Variants in SERGEF observed in about 807,000 individuals in gnomAD.
SERGEF encodes secretion regulating guanine nucleotide exchange factor.
In SERGEF, 51 loss-of-function variants were observed where a neutral mutation model predicts 50.0. The ratio of observed to expected loss-of-function variants is 1.02; its 90% confidence interval spans 0.81 to 1.29. The LOEUF (loss-of-function observed/expected upper bound fraction) is 1.29. Ranked by LOEUF, SERGEF falls within the 50% of genes most tolerant of loss-of-function variation. The pLI, the probability that SERGEF is intolerant of heterozygous loss-of-function variation, is 0.00. For synonymous variants in SERGEF, 205 were observed against 212.4 expected (o/e 0.97, Z 0.30); for missense variants, 521 against 557.0 (o/e 0.94, Z 0.65).
chr11:17,830,597 AGGT>A (rs1850278271), intron 10 of SERGEF, among the ~76,000 whole-genome samples: 2 of 104,846 alleles, frequency 1.9e-5, no homozygotes, highest in African/African-American at 3.7e-5. Flanking sequence ...AGAGGGAGAG[AGGT>A]GGAGAGAGAG....
chr11:17,855,150 T>C (rs1012768146), intron 10 of SERGEF: 1 of 152,210 alleles, frequency 6.6e-6, no homozygotes, highest in African/African-American at 2.4e-5. Context: ...TTATTATCTT[T>C]CTTTTCCAAC....
At chr11:17,882,406 AAG>A (rs1272969913) in intron 9 of SERGEF, among the ~76,000 whole-genome samples, 141 of 148,824 alleles carry the variant, frequency 9.5e-4, no homozygotes, top group African/African-American at 3.4e-3. Flanking sequence ...GCAACAGAGC[AAG>A]AGTCAGTCTC....
chr11:17,843,959 T>A (rs547290571), intron 10 of SERGEF, among the ~76,000 whole-genome samples: 35 of 152,318 alleles, frequency 2.3e-4, no homozygotes, highest in Middle Eastern at 3.4e-3. Context: ...TGGAGGACTA[T>A]CAGAACTAAA....
At chr11:17,822,018 CT>C (rs2133845207) in intron 10 of SERGEF, among the ~76,000 whole-genome samples, 1 of 152,286 alleles carries the variant, frequency 6.6e-6, no homozygotes, top group East Asian at 1.9e-4. Context: ...CCATGAGCCC[CT>C]TCTAGACCTA....
chr11:17,998,470 T>C (rs1005171620), intron 5 of SERGEF, among the ~76,000 whole-genome samples: 19 of 127,252 alleles, frequency 1.5e-4, no homozygotes, highest in Middle Eastern at 7.5e-3. Context: ...TATATATATA[T>C]ATATATATAT....
intron 9 of SERGEF, among the ~76,000 whole-genome samples, chr11:17,903,463 GA>G (rs1282708377): frequency 6.6e-6 from 1 of 152,210 alleles, no homozygotes; most frequent in Non-Finnish European, 1.5e-5. Flanking sequence ...AAAGAAGATA[GA>G]TATTTCCTTT....
chr11:17,891,725 G>T (rs1170928937), intron 9 of SERGEF, among the ~76,000 whole-genome samples: 1 of 152,194 alleles, frequency 6.6e-6, no homozygotes, highest in Non-Finnish European at 1.5e-5. Context: ...ATATGCAGAA[G>T]AACCTTTTTA....
In SERGEF at chr11:18,009,087, C is replaced by T. The variant is rs1854143339; in HGVS notation, c.61-1011G>A. On this transcript the variant is annotated intron_variant, in intron 1 of 10. Coordinates refer to ENST00000265965, the MANE Select transcript of SERGEF (RefSeq NM_012139.4). ...TTTCTTCCCTCCTCAAATCCCTTCC[C>T]CAAAATCTGAAAAGAAAAATAATAA... Among the ~76,000 whole-genome samples, 3 of 152,024 alleles carry T rather than the reference C, an allele frequency of 2.0e-5. No individual in the cohort carries two copies. In the South Asian group the frequency reaches 6.2e-4, roughly 32 times the overall value.
At chr11:17,840,484 C>G (rs1422808651) in intron 10 of SERGEF, among the ~76,000 whole-genome samples, 1 of 152,188 alleles carries the variant, frequency 6.6e-6, no homozygotes, top group Non-Finnish European at 1.5e-5. Flanking sequence ...ACGAAACCTC[C>G]TCTGACACTT....
At position 17,887,398 on chromosome 11, in the gene SERGEF, A is replaced by C. The variant is rs1223727952; in HGVS notation, c.1012-9154T>G. Among the ~76,000 whole-genome samples, 5 of 152,244 alleles carry C rather than the reference A, an allele frequency of 3.3e-5. 1 individual carries two copies. The highest frequency in any genetic ancestry group is 5.9e-5 in the Non-Finnish European group (4 of 68,040). ...TGCCACCAAGTTACTTAAGTTACTC[A>C]GTACTTGTACTGAGAACAAAATGGA... is the stretch of plus-strand genomic sequence containing the variant. On this transcript the variant is annotated intron_variant, in intron 9 of 10. Coordinates refer to ENST00000265965, the MANE Select transcript of SERGEF (RefSeq NM_012139.4).
Position 17,816,870 on chromosome 11 carries a change from C to T in SERGEF, c.1049-28457G>A, listed in dbSNP as rs1849983815. On this transcript the variant is annotated intron_variant, in intron 10 of 10. Coordinates refer to ENST00000265965, the MANE Select transcript of SERGEF (RefSeq NM_012139.4). Reference sequence around the variant, plus strand: ...AGGTAATGGGGCTGGAATGTGGTGACAGACAAATGACTTCACCTTCAGATC... The same window carrying T: ...AGGTAATGGGGCTGGAATGTGGTGATAGACAAATGACTTCACCTTCAGATC... Among the ~76,000 whole-genome samples, 2 of 152,176 alleles carry T rather than the reference C, an allele frequency of 1.3e-5. 1 individual carries two copies. The highest frequency in any genetic ancestry group is 1.3e-4 in the Admixed American group (2 of 15,282).
chr11:17,878,298 T>C, intron 9 of SERGEF, 54 bp from the exon 10 acceptor site: 2 of 1,376,354 alleles, frequency 1.5e-6, no homozygotes, highest in Non-Finnish European at 1.0e-6. Context: ...GCCAGTATAT[T>C]TTATAATCAT....
In SERGEF at chr11:18,012,995, TG is replaced by T; in HGVS notation, c.15del (p.Ser6AlafsTer37). The T allele has an allele frequency of 6.9e-7, 1 of 1,454,934 alleles. No individual in the cohort carries two copies. The highest frequency in any genetic ancestry group is 9.0e-7 in the Non-Finnish European group (1 of 1,113,984). 90.1% of individuals were successfully genotyped at this position (1,454,934 alleles called of 1,614,324 possible). On this transcript the variant is annotated frameshift_variant, in exon 1 of 11. Coordinates refer to ENST00000265965, the MANE Select transcript of SERGEF (RefSeq NM_012139.4). LOFTEE classifies it high-confidence loss of function. ...GCCGCGGGGGCGGCCTCCGAGGCGCTGGGCTCGCGCTCCATGCGAGGACGCT... is the reference window on the plus strand; with the variant it reads ...GCCGCGGGGGCGGCCTCCGAGGCGCTGGCTCGCGCTCCATGCGAGGACGCT... MEREPSASEAAPAAA... is the reference protein window; with the variant it reads MEREXSASEAAPAAA...
chr11:17,824,160 G>C (rs1321971711), intron 10 of SERGEF, among the ~76,000 whole-genome samples: 9 of 152,138 alleles, frequency 5.9e-5, no homozygotes, highest in Non-Finnish European at 1.5e-5. Flanking sequence ...AATTAGCCGG[G>C]CGTGGTGGCG....
chr11:17,919,730 C>A (rs1852117959), intron 9 of SERGEF, among the ~76,000 whole-genome samples: 1 of 152,176 alleles, frequency 6.6e-6, no homozygotes, highest in Non-Finnish European at 1.5e-5. Flanking sequence ...AGCCTGCTCC[C>A]ACTTTAGGGC....
intron 8 of SERGEF, among the ~76,000 whole-genome samples, chr11:17,968,311 T>C (rs1443377442): frequency 1.3e-5 from 2 of 152,178 alleles, no homozygotes; most frequent in Non-Finnish European, 2.9e-5. Flanking sequence ...ACACAGCCTA[T>C]ATAGATAGAA....
chr11:17,975,564 T>C (rs1853353346), intron 8 of SERGEF, among the ~76,000 whole-genome samples: 1 of 152,090 alleles, frequency 6.6e-6, no homozygotes, highest in Non-Finnish European at 1.5e-5. Flanking sequence ...TCATAGATTC[T>C]CAAAATCACC....
intron 9 of SERGEF, among the ~76,000 whole-genome samples, chr11:17,910,634 A>G (rs556767365): frequency 5.3e-5 from 8 of 152,324 alleles, no homozygotes; most frequent in Non-Finnish European, 7.3e-5. Context: ...ATCATACACC[A>G]TTCACTCATT....
At chr11:17,927,489 G>A (rs530906257) in intron 9 of SERGEF, among the ~76,000 whole-genome samples, 1 of 152,320 alleles carries the variant, frequency 6.6e-6, no homozygotes, top group Non-Finnish European at 1.5e-5. Flanking sequence ...ATCAGCAGAG[G>A]AAAAGCACAC....
Sources: gnomAD v4.1 joint callset for allele counts (sites outside exome capture counted in the v4.1 genomes callset) on GRCh38, gnomAD v4.1.1 for gene constraint, MANE v1.5 for transcripts, NCBI Gene and HGNC (gene_info 2026-07-23, HGNC 2026-07-21) for gene names.